PALM2AKAP2: variants seen among roughly 807,000 people sequenced by gnomAD.
The protein encoded by PALM2AKAP2 is PALM2 and AKAP2 fusion.
PALM2AKAP2 carries 37 observed loss-of-function variants against 71.5 expected under a neutral mutation model. The ratio of observed to expected loss-of-function variants is 0.52; its 90% CI spans 0.40 to 0.68. The LOEUF is 0.68. Among genes scored for constraint, PALM2AKAP2 ranks in the 30% least tolerant of loss-of-function variants. The pLI, the probability that PALM2AKAP2 is intolerant of heterozygous loss-of-function variation, is 0.00. For synonymous variants in PALM2AKAP2, 468 were observed against 478.8 expected (o/e 0.98, Z 0.29); for missense variants, 1,224 against 1,191.8 (o/e 1.03, Z -0.40).
Position 110,136,109 on chromosome 9 carries a change from GTTTACTC to G in PALM2AKAP2, c.157-13_157-7del. 1 of 1,541,926 alleles carries G rather than the reference GTTTACTC, an allele frequency of 6.5e-7. No homozygotes were observed. Among genetic ancestry groups the G allele is most frequent in the Non-Finnish European group, 8.7e-7 (1 of 1,148,514 alleles). Reference sequence around the variant, plus strand: ...GATGCAGTATTTAACCCTGACTTTTGTTTACTCTTTATTCCAGAAGCCTCCCCAGCTT... The same window carrying G: ...GATGCAGTATTTAACCCTGACTTTTGTTTATTCCAGAAGCCTCCCCAGCTT... On this transcript the variant is annotated splice_polypyrimidine_tract_variant and intron_variant, in intron 1 of 3. Transcript: ENST00000374525.
chr9:110,012,519 T>C (rs866662910), intron 6 of PALM2AKAP2, among the ~76,000 whole-genome samples: 3 of 152,334 alleles, frequency 2.0e-5, no homozygotes, highest in Middle Eastern at 6.8e-3. Flanking sequence ...GAAGGAATTT[T>C]ACCTCTAGCT....
intron 1 of PALM2AKAP2, among the ~76,000 whole-genome samples, chr9:109,641,255 G>T (rs576832655): frequency 6.6e-5 from 10 of 152,266 alleles, no homozygotes; most frequent in Admixed American, 1.3e-4. Context: ...GTTAAAAAAA[G>T]AGGGAGGGGG....
chr9:109,673,305 A>G (rs1827602891), intron 1 of PALM2AKAP2, among the ~76,000 whole-genome samples: 2 of 152,118 alleles, frequency 1.3e-5, no homozygotes, highest in East Asian at 1.9e-4. Flanking sequence ...GGCATGTTGT[A>G]TCTTTGTTCC....
chr9:109,673,261 C>T (rs560819575), intron 1 of PALM2AKAP2, among the ~76,000 whole-genome samples: 11 of 152,118 alleles, frequency 7.2e-5, no homozygotes, highest in African/African-American at 2.2e-4. Context: ...TAAATTTCCT[C>T]TTAACAATGA....
intron 2 of PALM2AKAP2, among the ~76,000 whole-genome samples, chr9:109,878,805 TCA>T (rs1829775620): frequency 6.6e-6 from 1 of 152,224 alleles, no homozygotes; most frequent in African/African-American, 2.4e-5. Flanking sequence ...TGGCATGATC[TCA>T]GCCCACTGCA....
chr9:110,109,396 T>C (rs1835191665), intron 1 of PALM2AKAP2, among the ~76,000 whole-genome samples: 2 of 148,902 alleles, frequency 1.3e-5, no homozygotes, highest in African/African-American at 2.5e-5. Context: ...CCTTCTGAGG[T>C]TCAGAGGTCA....
At chr9:109,641,884 T>C (rs1461628372) in intron 1 of PALM2AKAP2, among the ~76,000 whole-genome samples, 1 of 152,174 alleles carries the variant, frequency 6.6e-6, no homozygotes, top group Non-Finnish European at 1.5e-5. Context: ...ATTGTGTAGA[T>C]GCAATTTAAT....
At chr9:109,680,135 G>A (rs1827707226) in intron 1 of PALM2AKAP2, among the ~76,000 whole-genome samples, 1 of 152,162 alleles carries the variant, frequency 6.6e-6, no homozygotes, top group Non-Finnish European at 1.5e-5. Flanking sequence ...AGATATCCAG[G>A]TGCCTCTGGC....
chr9:109,749,792 A>G (rs534250933), intron 1 of PALM2AKAP2, among the ~76,000 whole-genome samples: 1 of 152,312 alleles, frequency 6.6e-6, no homozygotes, highest in Non-Finnish European at 1.5e-5. Flanking sequence ...AGGATGTGGG[A>G]ATTCAGAGGC....
At chr9:109,980,790 G>A (rs760544432) in intron 6 of PALM2AKAP2, among the ~76,000 whole-genome samples, 3 of 152,176 alleles carry the variant, frequency 2.0e-5, no homozygotes, top group Admixed American at 2.0e-4. Context: ...TCTCATCTCT[G>A]CCATTTCCAT....
chr9:110,046,766 C>A (rs532344720), upstream of PALM2AKAP2, among the ~76,000 whole-genome samples: 34 of 152,230 alleles, frequency 2.2e-4, no homozygotes, highest in South Asian at 1.2e-3. Context: ...CTTCACCCGG[C>A]CTTGCTTTAC....
At chr9:110,168,509 C>T (rs1322780454) in exon 4 of PALM2AKAP2, 1 of 1,613,622 alleles carries the variant, frequency 6.2e-7, no homozygotes, top group Non-Finnish European at 8.5e-7. Context: ...CTTCCTTCAA[C>T]CCAGGAAGCG....
chr9:109,944,657 A>G (rs775496144), intron 6 of PALM2AKAP2: 7 of 152,202 alleles, frequency 4.6e-5, no homozygotes, highest in Non-Finnish European at 1.0e-4. Context: ...TAAGTGGCAC[A>G]TAGCTGAGCT....
chr9:110,170,275 A>G (rs1836830498), exon 4 of PALM2AKAP2: 1 of 152,610 alleles, frequency 6.6e-6, no homozygotes, highest in African/African-American at 2.4e-5. Flanking sequence ...TTAAAAAAGC[A>G]ATAATTAACT....
chr9:109,951,693 G>A (rs1023248167), intron 6 of PALM2AKAP2, among the ~76,000 whole-genome samples: 5 of 152,174 alleles, frequency 3.3e-5, no homozygotes, highest in Non-Finnish European at 7.3e-5. Flanking sequence ...ATTCCCAGGT[G>A]GGGCCCAGTA....
At chr9:109,673,504 G>A (rs1311905859) in intron 1 of PALM2AKAP2, among the ~76,000 whole-genome samples, 1 of 152,096 alleles carries the variant, frequency 6.6e-6, no homozygotes, top group Non-Finnish European at 1.5e-5. Context: ...TTGCTGAGGA[G>A]TGTTTTACTT....
chr9:110,159,841 G>T (rs571164848), intron 3 of PALM2AKAP2, among the ~76,000 whole-genome samples: 1 of 152,216 alleles, frequency 6.6e-6, no homozygotes, highest in Admixed American at 6.5e-5. Context: ...TATGCAGAGA[G>T]GCCCCTGGCT....
At chr9:109,812,718 A>G (rs968077167) in intron 1 of PALM2AKAP2, among the ~76,000 whole-genome samples, 1 of 152,182 alleles carries the variant, frequency 6.6e-6, no homozygotes, top group Non-Finnish European at 1.5e-5. Context: ...TGCCAGCTTT[A>G]TTCTTCCCTA....
At chr9:109,763,593 T>C (rs1829096104) in intron 1 of PALM2AKAP2, among the ~76,000 whole-genome samples, 1 of 152,190 alleles carries the variant, frequency 6.6e-6, no homozygotes, top group African/African-American at 2.4e-5. Flanking sequence ...ACATGACCAC[T>C]CACTGGGTGG....
Sources: gnomAD v4.1 joint callset for allele counts (sites outside exome capture counted in the v4.1 genomes callset) on GRCh38, gnomAD v4.1.1 for gene constraint, MANE v1.5 for transcripts, NCBI Gene and HGNC (gene_info 2026-07-23, HGNC 2026-07-21) for gene names.